The following KHDRBS2 variants were observed in gnomAD, a reference collection of about 807,000 sequenced individuals.
KHDRBS2 encodes KH domain-containing, RNA-binding, signal transduction-associated protein 2.
A neutral mutation model predicts 44.3 loss-of-function variants in KHDRBS2; 26 were observed. The observed-to-expected ratio is 0.59, with a 90% CI of 0.43 to 0.81. The LOEUF (loss-of-function observed/expected upper bound fraction) is 0.81. Ranked by LOEUF, KHDRBS2 falls within the 40% of genes least tolerant of loss-of-function variation. The pLI is 0.00. For synonymous variants in KHDRBS2, 194 were observed against 151.1 expected, an observed-to-expected ratio of 1.28 and a Z score of -2.08; for missense variants, 476 against 433.1, an observed-to-expected ratio of 1.10 and a Z score of -0.88.
chr6:61,958,683 A>T (rs144479062), intron 4 of KHDRBS2, among the ~76,000 whole-genome samples: 1 of 152,282 alleles, frequency 6.6e-6, no homozygotes, highest in African/African-American at 2.4e-5. Context: ...CTCTGTCTTA[A>T]ATATTCTTAC....
intron 6 of KHDRBS2, among the ~76,000 whole-genome samples, chr6:61,767,306 G>A (rs1201603715): frequency 6.6e-6 from 1 of 151,752 alleles, no homozygotes; most frequent in East Asian, 1.9e-4. Flanking sequence ...CATTTGCATA[G>A]AATACTTTTT....
intron 2 of KHDRBS2, among the ~76,000 whole-genome samples, chr6:62,097,812 T>C (rs1217733623): frequency 6.6e-6 from 1 of 152,170 alleles, no homozygotes; most frequent in African/African-American, 2.4e-5. Flanking sequence ...TGCAGTTCTT[T>C]GTTCCTTTCT....
At chr6:61,897,711 G>GTC (rs113407645) in intron 5 of KHDRBS2, among the ~76,000 whole-genome samples, 23,974 of 148,490 alleles carry the variant, frequency 0.16, 2,373 homozygotes, top group East Asian at 0.27. Flanking sequence ...CTCTGTCTCT[G>GTC]TCTCTCTCTC....
At chr6:61,950,755 G>A (rs1461435774) in intron 4 of KHDRBS2, among the ~76,000 whole-genome samples, 3 of 152,016 alleles carry the variant, frequency 2.0e-5, no homozygotes, top group South Asian at 2.1e-4. Flanking sequence ...CCAAGTCAGA[G>A]AAGGAGAAGA....
chr6:62,234,960 C>A (rs1366805677), intron 1 of KHDRBS2, among the ~76,000 whole-genome samples: 1 of 151,334 alleles, frequency 6.6e-6, no homozygotes, highest in Non-Finnish European at 1.5e-5. Flanking sequence ...GCTAGTATAT[C>A]TAATTTTAAG....
chr6:62,113,424 GGA>G (rs1286755202), intron 2 of KHDRBS2, among the ~76,000 whole-genome samples: 3 of 152,042 alleles, frequency 2.0e-5, no homozygotes, highest in African/African-American at 7.2e-5. Flanking sequence ...GTGTTAATTT[GGA>G]GAAATCATTT....
chr6:62,057,444 A>T (rs1790546920), intron 2 of KHDRBS2, among the ~76,000 whole-genome samples: 2 of 152,004 alleles, frequency 1.3e-5, no homozygotes, highest in Non-Finnish European at 2.9e-5. Context: ...GAAACTAGTC[A>T]ACACAAAAGT....
At chr6:61,611,404 A>G in the KHDRBS2 span, among the ~76,000 whole-genome samples, 1 of 152,234 alleles carries the variant, frequency 6.6e-6, no homozygotes, top group African/African-American at 2.4e-5. Context: ...GCTAAAGTAA[A>G]TACTCTTACA....
At chr6:61,610,279 AG>A in the KHDRBS2 span, among the ~76,000 whole-genome samples, 2 of 152,284 alleles carry the variant, frequency 1.3e-5, no homozygotes, top group Non-Finnish European at 2.9e-5. Flanking sequence ...ATTTCAATCT[AG>A]GGGAAAAATC....
the KHDRBS2 span, among the ~76,000 whole-genome samples, chr6:61,644,015 G>A: frequency 0.024 from 3,721 of 152,148 alleles, 69 homozygotes; most frequent in Middle Eastern, 0.088. Context: ...TAAGCAAAAA[G>A]AACAAAGCTG....
At chr6:62,000,683 G>A (rs1018618574) in intron 3 of KHDRBS2, among the ~76,000 whole-genome samples, 1 of 152,140 alleles carries the variant, frequency 6.6e-6, no homozygotes, top group Non-Finnish European at 1.5e-5. Flanking sequence ...ACTGCAGAAA[G>A]TGGCACTTGG....
intron 1 of KHDRBS2, among the ~76,000 whole-genome samples, chr6:62,189,190 T>C (rs1279272140): frequency 6.6e-6 from 1 of 151,808 alleles, no homozygotes; most frequent in East Asian, 1.9e-4. Context: ...AGGTACCATG[T>C]CCTGAGAACA....
chr6:61,789,394 A>T (rs1784291394), intron 6 of KHDRBS2, among the ~76,000 whole-genome samples: 1 of 151,534 alleles, frequency 6.6e-6, no homozygotes, highest in Non-Finnish European at 1.5e-5. Flanking sequence ...ATTATGTAAT[A>T]GATTTAATAA....
intron 1 of KHDRBS2, among the ~76,000 whole-genome samples, chr6:62,234,097 A>G (rs1249059050): frequency 2.6e-5 from 4 of 152,154 alleles, no homozygotes; most frequent in African/African-American, 9.6e-5. Context: ...TTCCAGATTG[A>G]TAACTGCCTA....
intron 6 of KHDRBS2, among the ~76,000 whole-genome samples, chr6:61,861,345 G>T (rs918971804): frequency 1.3e-5 from 2 of 151,712 alleles, no homozygotes; most frequent in African/African-American, 4.8e-5. Flanking sequence ...TTTATAGTTT[G>T]GGTTTTACAT....
intron 6 of KHDRBS2, among the ~76,000 whole-genome samples, chr6:61,773,745 T>C (rs1467212146): frequency 2.6e-5 from 4 of 151,894 alleles, no homozygotes; most frequent in African/African-American, 9.7e-5. Flanking sequence ...TGGTAATGCC[T>C]ACGTTTTCTT....
At chr6:61,899,110 CAAAAG>C (rs1233781209) in intron 5 of KHDRBS2, among the ~76,000 whole-genome samples, 2 of 151,606 alleles carry the variant, frequency 1.3e-5, no homozygotes, top group African/African-American at 2.4e-5. Flanking sequence ...TGTCCAAAAA[CAAAAG>C]AAAACAAAAC....
chr6:62,044,778 T>C (rs1483421253), intron 3 of KHDRBS2, among the ~76,000 whole-genome samples: 1 of 152,108 alleles, frequency 6.6e-6, no homozygotes, highest in Non-Finnish European at 1.5e-5. Flanking sequence ...AACTTCTTAA[T>C]ACTTGCTGAT....
intron 6 of KHDRBS2, among the ~76,000 whole-genome samples, chr6:61,824,447 C>T (rs190283050): frequency 4.2e-4 from 64 of 152,154 alleles, no homozygotes; most frequent in Admixed American, 2.3e-3. Context: ...TGTAAGTTTC[C>T]TAAGGCCTCC....
Sources: gnomAD v4.1 joint callset for allele counts (sites outside exome capture counted in the v4.1 genomes callset) on GRCh38, gnomAD v4.1.1 for gene constraint, MANE v1.5 for transcripts, NCBI Gene and HGNC (gene_info 2026-07-23, HGNC 2026-07-21) for gene names.